Variants in GALNTL6 observed in about 807,000 individuals in gnomAD.
GALNTL6 encodes polypeptide N-acetylgalactosaminyltransferase-like 6.
GALNTL6 carries 46 observed loss-of-function variants against 73.7 expected under a neutral mutation model. The observed-to-expected ratio is 0.62, with a 90% confidence interval of 0.49 to 0.80. The LOEUF (loss-of-function observed/expected upper bound fraction) is 0.80, where lower values mean the gene tolerates loss of function less well. GALNTL6 is among the 30% of genes least tolerant of loss of function. The pLI, the probability that GALNTL6 is intolerant of heterozygous loss-of-function variation, is 0.00. For synonymous variants in GALNTL6, 259 were observed against 263.7 expected (o/e 0.98, Z 0.17); for missense variants, 604 against 755.0 (o/e 0.80, Z 2.34).
At chr4:172,560,035 T>C (rs1456405543) in intron 5 of GALNTL6, among the ~76,000 whole-genome samples, 1 of 152,200 alleles carries the variant, frequency 6.6e-6, no homozygotes, top group African/African-American at 2.4e-5. Flanking sequence ...AATGTTCAAC[T>C]TGCATCCTGA....
intron 2 of GALNTL6, among the ~76,000 whole-genome samples, chr4:172,161,014 T>C (rs903973450): frequency 6.6e-6 from 1 of 151,768 alleles, no homozygotes; most frequent in Non-Finnish European, 1.5e-5. Context: ...TATGTTTAAA[T>C]GCAGGTGAAA....
chr4:172,818,572 T>C (rs576694029), intron 7 of GALNTL6, among the ~76,000 whole-genome samples: 1 of 152,276 alleles, frequency 6.6e-6, no homozygotes, highest in African/African-American at 2.4e-5. Flanking sequence ...AATACATATA[T>C]ACAGCAGCGG....
At chr4:172,901,615 A>G (rs918165378) in intron 8 of GALNTL6, among the ~76,000 whole-genome samples, 1 of 152,144 alleles carries the variant, frequency 6.6e-6, no homozygotes, top group Admixed American at 6.5e-5. Context: ...TTTCCTGTTT[A>G]CCCTTGAAAC....
intron 2 of GALNTL6, among the ~76,000 whole-genome samples, chr4:171,997,903 A>G (rs1016089986): frequency 3.9e-5 from 6 of 152,140 alleles, no homozygotes; most frequent in Non-Finnish European, 7.4e-5. Flanking sequence ...CATCCATGCT[A>G]ACATTAACTC....
At chr4:172,286,433 G>A (rs1546331) in intron 3 of GALNTL6, among the ~76,000 whole-genome samples, 63,782 of 151,896 alleles carry the variant, frequency 0.42, 13,376 homozygotes, top group African/African-American at 0.45. Context: ...TGAGGAGGGA[G>A]GATGGAGAGA....
At chr4:172,404,766 G>A (rs943775118) in intron 5 of GALNTL6, among the ~76,000 whole-genome samples, 1 of 152,064 alleles carries the variant, frequency 6.6e-6, no homozygotes, top group African/African-American at 2.4e-5. Flanking sequence ...AGTCTAATTT[G>A]TTGATTTCAA....
chr4:172,204,981 G>T (rs540439497), intron 2 of GALNTL6, among the ~76,000 whole-genome samples: 149 of 152,132 alleles, frequency 9.8e-4, no homozygotes, highest in African/African-American at 3.5e-3. Flanking sequence ...TGTAGCTTAT[G>T]GTCTGCATTT....
At chr4:173,010,857 G>T (rs1752521877) in intron 11 of GALNTL6, among the ~76,000 whole-genome samples, 1 of 150,768 alleles carries the variant, frequency 6.6e-6, no homozygotes, top group Non-Finnish European at 1.5e-5. Flanking sequence ...TGCCCACCTT[G>T]GCCTCCCAAA....
intron 2 of GALNTL6, among the ~76,000 whole-genome samples, chr4:172,016,223 C>A (rs563099094): frequency 6.6e-6 from 1 of 152,054 alleles, no homozygotes; most frequent in Admixed American, 6.6e-5. Flanking sequence ...GGCCACTTAA[C>A]ATAATCTCAA....
At chr4:172,522,286 T>C (rs1322569233) in intron 5 of GALNTL6, among the ~76,000 whole-genome samples, 1 of 152,212 alleles carries the variant, frequency 6.6e-6, no homozygotes, top group Admixed American at 6.5e-5. Flanking sequence ...AAATGTAATT[T>C]TATCAGGATA....
At chr4:173,031,820 G>C (rs928805193) in intron 12 of GALNTL6, among the ~76,000 whole-genome samples, 5 of 152,174 alleles carry the variant, frequency 3.3e-5, no homozygotes, top group African/African-American at 1.2e-4. Context: ...TTTCAGTACA[G>C]AGGGGAAGCG....
chr4:172,935,530 G>A (rs1011907938), intron 9 of GALNTL6, among the ~76,000 whole-genome samples: 4 of 152,012 alleles, frequency 2.6e-5, no homozygotes, highest in Non-Finnish European at 5.9e-5. Context: ...TAGGTAGACT[G>A]CTAGCTGACT....
intron 2 of GALNTL6, among the ~76,000 whole-genome samples, chr4:172,093,935 A>G (rs1193907799): frequency 6.6e-6 from 1 of 152,134 alleles, no homozygotes; most frequent in Non-Finnish European, 1.5e-5. Context: ...TATATATTAC[A>G]ATGTCATAAT....
intron 5 of GALNTL6, among the ~76,000 whole-genome samples, chr4:172,437,280 A>G (rs1731669214): frequency 6.6e-6 from 1 of 152,180 alleles, no homozygotes; most frequent in South Asian, 2.1e-4. Context: ...AACTGAACAG[A>G]AAGTTCAAGG....
chr4:172,288,313 G>A (rs371949367), intron 3 of GALNTL6, among the ~76,000 whole-genome samples: 167 of 152,090 alleles, frequency 1.1e-3, no homozygotes, highest in African/African-American at 3.4e-3. Context: ...GGACGGTCTC[G>A]ATCTCCTGAC....
chr4:172,844,176 A>G (rs1417286896), intron 7 of GALNTL6, among the ~76,000 whole-genome samples: 1 of 152,222 alleles, frequency 6.6e-6, no homozygotes, highest in Non-Finnish European at 1.5e-5. Flanking sequence ...TACCGCGTAC[A>G]TTGAGCCATG....
chr4:172,462,246 T>C (rs1472333836), intron 5 of GALNTL6, among the ~76,000 whole-genome samples: 1 of 152,188 alleles, frequency 6.6e-6, no homozygotes, highest in Non-Finnish European at 1.5e-5. Context: ...GCTAATTCCC[T>C]GTTATCTATA....
At chr4:172,401,914 A>G (rs1054189404) in intron 5 of GALNTL6, among the ~76,000 whole-genome samples, 1 of 127,080 alleles carries the variant, frequency 7.9e-6, no homozygotes, top group Non-Finnish European at 1.6e-5. Flanking sequence ...AGAGAGAGAG[A>G]GAGGGGGAGA....
chr4:171,960,039 G>C (rs1739175663), intron 2 of GALNTL6, among the ~76,000 whole-genome samples: 1 of 152,094 alleles, frequency 6.6e-6, no homozygotes, highest in East Asian at 1.9e-4. Context: ...ACTCATTATA[G>C]GTTTAACTAA....
Sources: gnomAD v4.1 joint callset for allele counts (sites outside exome capture counted in the v4.1 genomes callset) on GRCh38, gnomAD v4.1.1 for gene constraint, MANE v1.5 for transcripts, NCBI Gene and HGNC (gene_info 2026-07-23, HGNC 2026-07-21) for gene names.